Variants in MAPK4 observed in about 807,000 individuals in gnomAD.
MAPK4 encodes mitogen-activated protein kinase 4.
A neutral mutation model predicts 47.7 loss-of-function variants in MAPK4; 22 were observed. The observed-to-expected ratio is 0.46, with a 90% CI of 0.33 to 0.66. The LOEUF is 0.66. MAPK4 is among the 30% of genes least tolerant of loss of function. The pLI is 0.02. For missense variants in MAPK4, 736 were observed against 831.7 expected, an observed-to-expected ratio of 0.88 and a Z score of 1.42; for synonymous variants, 390 against 365.7, an observed-to-expected ratio of 1.07 and a Z score of -0.76.
In MAPK4 at chr18:50,731,661, G is replaced by A. The variant is rs371538793; in HGVS notation, c.*1807G>A. 20 of 152,260 alleles carry A rather than the reference G, an allele frequency of 1.3e-4. No homozygotes were observed. The highest frequency in any genetic ancestry group is 4.3e-4 in the African/African-American group (18 of 41,530). The allele number at this position is 152,260 out of a possible 1,614,324, so 9.4% of individuals were successfully genotyped here. ...ATGTGCCATTTTGTCCTCAGAGGGC[G>A]GCTTTACTTTTTTGGTAAAGGAACA... On this transcript the variant is annotated 3_prime_UTR_variant, in exon 6 of 6. Coordinates refer to ENST00000400384, the MANE Select transcript of MAPK4 (RefSeq NM_002747.4).
At chr18:50,727,212 A>T (rs1308379067) in intron 5 of MAPK4, among the ~76,000 whole-genome samples, 1 of 152,186 alleles carries the variant, frequency 6.6e-6, no homozygotes, top group African/African-American at 2.4e-5. Flanking sequence ...ACCATCTGCT[A>T]ATTCTGGGAG....
intron 1 of MAPK4, among the ~76,000 whole-genome samples, chr18:50,653,955 T>C (rs182403525): frequency 6.6e-6 from 1 of 152,224 alleles, no homozygotes; most frequent in Admixed American, 6.5e-5. Flanking sequence ...CAGCTCCAGA[T>C]GCTTGGCAGA....
At chr18:50,639,939 G>C (rs1329038142) in intron 1 of MAPK4, among the ~76,000 whole-genome samples, 7 of 152,160 alleles carry the variant, frequency 4.6e-5, no homozygotes, top group Non-Finnish European at 8.8e-5. Context: ...ACTAACCACA[G>C]GTCTGAACTA....
At chr18:50,676,136 G>A (rs1348867041) in intron 2 of MAPK4, among the ~76,000 whole-genome samples, 2 of 152,040 alleles carry the variant, frequency 1.3e-5, no homozygotes, top group African/African-American at 2.4e-5. Flanking sequence ...TCTTTTTTTA[G>A]CCCAAGTACA....
At chr18:50,724,917 A>G (rs1234691545) in intron 4 of MAPK4, among the ~76,000 whole-genome samples, 2 of 152,214 alleles carry the variant, frequency 1.3e-5, no homozygotes, top group Non-Finnish European at 2.9e-5. Context: ...CAGAGATGCC[A>G]GTGCTGAGAA....
At chr18:50,629,422 G>C (rs1433902421) in intron 1 of MAPK4, 1 of 152,240 alleles carries the variant, frequency 6.6e-6, no homozygotes, top group Non-Finnish European at 1.5e-5. Context: ...CAAAGCACTT[G>C]CTACTTGCAC....
intron 1 of MAPK4, among the ~76,000 whole-genome samples, chr18:50,576,851 C>T (rs2149360838): frequency 6.6e-6 from 1 of 152,282 alleles, no homozygotes; most frequent in Non-Finnish European, 1.5e-5. Context: ...TCCTAGGTGG[C>T]ACCAATGCAA....
chr18:50,694,876 C>T (rs527713224), intron 2 of MAPK4, among the ~76,000 whole-genome samples: 1 of 152,312 alleles, frequency 6.6e-6, no homozygotes, highest in East Asian at 1.9e-4. Flanking sequence ...TGCTTACTGA[C>T]TGTGAAAAGT....
chr18:50,581,869 G>A (rs2042348895), intron 1 of MAPK4, among the ~76,000 whole-genome samples: 1 of 152,166 alleles, frequency 6.6e-6, no homozygotes, highest in South Asian at 2.1e-4. Flanking sequence ...GAGCTCACAG[G>A]CAAATGAAAC....
intron 1 of MAPK4, among the ~76,000 whole-genome samples, chr18:50,649,938 C>G (rs776038040): frequency 6.6e-6 from 1 of 152,190 alleles, no homozygotes; most frequent in Non-Finnish European, 1.5e-5. Context: ...GCGTCACCAT[C>G]CAGCCCGCTG....
At chr18:50,706,457 G>GTT (rs762283107) in intron 2 of MAPK4, among the ~76,000 whole-genome samples, 21 of 140,272 alleles carry the variant, frequency 1.5e-4, no homozygotes, top group African/African-American at 3.4e-4. Flanking sequence ...CTGAACGTCA[G>GTT]TTTTTTTTTT....
chr18:50,714,087 T>C (rs1388982897), intron 2 of MAPK4, among the ~76,000 whole-genome samples: 1 of 152,224 alleles, frequency 6.6e-6, no homozygotes, highest in Non-Finnish European at 1.5e-5. Flanking sequence ...GTGATACTTC[T>C]GCATCAGTAG....
chr18:50,582,343 C>T (rs1164526798), intron 1 of MAPK4, among the ~76,000 whole-genome samples: 1 of 152,162 alleles, frequency 6.6e-6, no homozygotes, highest in African/African-American at 2.4e-5. Flanking sequence ...CCACCTATCC[C>T]CACCCTAGTC....
intron 2 of MAPK4, among the ~76,000 whole-genome samples, chr18:50,686,044 T>C (rs1034271953): frequency 2.0e-5 from 3 of 152,092 alleles, no homozygotes; most frequent in African/African-American, 7.2e-5. Context: ...GTAACTCACC[T>C]GAGGTGATGG....
At chr18:50,620,796 A>G (rs569925344) in intron 1 of MAPK4, among the ~76,000 whole-genome samples, 3 of 152,126 alleles carry the variant, frequency 2.0e-5, no homozygotes, top group Non-Finnish European at 4.4e-5. Flanking sequence ...ACATTAAAAT[A>G]AACTTGCAGA....
intron 1 of MAPK4, among the ~76,000 whole-genome samples, chr18:50,603,224 C>A (rs1325027599): frequency 6.6e-6 from 1 of 152,168 alleles, no homozygotes; most frequent in Non-Finnish European, 1.5e-5. Context: ...CAAGGTGATG[C>A]TGACCAGGGT....
At chr18:50,600,618 C>T (rs8086259) in intron 1 of MAPK4, among the ~76,000 whole-genome samples, 2,955 of 152,252 alleles carry the variant, frequency 0.019, 97 homozygotes, top group African/African-American at 0.067. Context: ...AGGAGAACCA[C>T]GGACCTGTGC....
intron 1 of MAPK4, among the ~76,000 whole-genome samples, chr18:50,580,940 C>T (rs1229689246): frequency 1.3e-5 from 2 of 152,144 alleles, no homozygotes; most frequent in Non-Finnish European, 2.9e-5. Flanking sequence ...AACCCAAACA[C>T]ATCTGCCTTT....
At chr18:50,607,984 A>G (rs1011295494) in intron 1 of MAPK4, among the ~76,000 whole-genome samples, 15 of 152,234 alleles carry the variant, frequency 9.9e-5, no homozygotes, top group African/African-American at 3.1e-4. Context: ...GCTATTTAAT[A>G]TCCCTCACTT....
Sources: allele counts gnomAD v4.1 joint callset (sites outside exome capture counted in the v4.1 genomes callset), GRCh38; gene constraint gnomAD v4.1.1; transcripts MANE v1.5; gene names NCBI Gene and HGNC (gene_info 2026-07-23, HGNC 2026-07-21).